The following REXO1 variants were observed in gnomAD, a reference collection of about 807,000 sequenced individuals.
REXO1 encodes RNA exonuclease 1 homolog.
REXO1 carries 42 observed loss-of-function variants against 102.6 expected under a neutral mutation model. That is an observed-to-expected ratio of 0.41 (90% CI 0.32 to 0.53). The LOEUF is 0.53. REXO1 is among the 20% of genes least tolerant of loss of function. The probability of loss-of-function intolerance (pLI) is 0.27; values close to 1 mark genes in which losing one functional copy is unlikely to be tolerated. For synonymous variants in REXO1, 908 were observed against 779.1 expected (o/e 1.17, Z -2.76); for missense variants, 1,819 against 1,732.5 (o/e 1.05, Z -0.89).
rs761875607 is a variant in REXO1 at position 1,819,093 on chromosome 19, ACAC to A, written c.2686_2688del (p.Val896del). On this transcript the variant is annotated inframe_deletion, in exon 8 of 16. Transcript: ENST00000170168. Reference sequence around the variant, plus strand: ...GTCTTGGCGGCCAACCTGCCCCCCAACACCACCTCGTGGGACACAACCCTGCGG... The same window carrying A: ...GTCTTGGCGGCCAACCTGCCCCCCAACACCTCGTGGGACACAACCCTGCGG... The A allele has an allele frequency of 1.3e-6, 2 of 1,597,918 alleles. No individual in the cohort carries two copies. Among genetic ancestry groups the A allele is most frequent in the South Asian group, 1.1e-5 (1 of 89,436 alleles).
chr19:1,823,325 C>T, intron 4 of REXO1: 1 of 392,032 alleles, frequency 2.6e-6, no homozygotes, highest in South Asian at 1.4e-4. Context: ...CAGTCCCCAG[C>T]AGGCTGTTGG....
At chr19:1,829,362 C>G (rs1055499458) in intron 1 of REXO1, among the ~76,000 whole-genome samples, 2 of 152,098 alleles carry the variant, frequency 1.3e-5, no homozygotes, top group Admixed American at 1.3e-4. Flanking sequence ...CCTCAGCCCC[C>G]CAAGTAGCTG....
In REXO1 at chr19:1,827,953, A is replaced by T. The variant is rs2069788952; in HGVS notation, c.836T>A (p.Phe279Tyr). ...TGAGAACCTTGCATCGCAACTGCCA[A>T]AGGGGTCACAGAGCTTCTTGGGAGC... ...TPAPKKLCDPFGSCDARFSDS... is the reference protein window; with the variant it reads ...TPAPKKLCDPYGSCDARFSDS... Residue 279 changes from phenylalanine (F) to tyrosine (Y), a missense_variant, in exon 2 of 16, where the codon TTT (phenylalanine) becomes TAT (tyrosine). Transcript: ENST00000170168. 1 of 1,613,540 alleles carries T rather than the reference A, an allele frequency of 6.2e-7. No individual in the cohort carries two copies. Among genetic ancestry groups the T allele is most frequent in the South Asian group, 1.1e-5 (1 of 91,088 alleles).
At position 1,848,273 on chromosome 19, in the gene REXO1, CAGT is replaced by C. The variant is rs2011652810; in HGVS notation, c.83_85del (p.Tyr28del). 1 of 1,231,900 alleles carries C rather than the reference CAGT, an allele frequency of 8.1e-7. No homozygotes were observed. Among genetic ancestry groups the C allele is most frequent in the African/African-American group, 1.6e-5 (1 of 63,648 alleles). 76.3% of individuals were successfully genotyped at this position (1,231,900 alleles called of 1,614,324 possible). A position where few individuals can be genotyped will look rare whatever the true frequency, so the allele number is the denominator to read the frequency against. ...CCGGGCCCCGCGGTGCCGGAAGTGG[CAGT>C]AGGGCCGCCGGCAGGGCCCCCCGGG... On this transcript the variant is annotated inframe_deletion, in exon 1 of 16. Transcript: ENST00000170168.
intron 6 of REXO1, 51 bp from the exon 7 acceptor site, chr19:1,820,108 A>T (rs144699492): frequency 6.3e-7 from 1 of 1,578,976 alleles, no homozygotes; most frequent in Non-Finnish European, 8.6e-7. Context: ...GGTGCCGGGG[A>T]GCCCCAGCGG....
intron 1 of REXO1, among the ~76,000 whole-genome samples, chr19:1,842,644 C>T (rs2145333266): frequency 6.6e-6 from 1 of 152,344 alleles, no homozygotes; most frequent in South Asian, 2.1e-4. Flanking sequence ...GAAAAGCCCC[C>T]CCAAAAAAAC....
At chr19:1,840,954 A>C (rs1210882203) in intron 1 of REXO1, among the ~76,000 whole-genome samples, 1 of 152,198 alleles carries the variant, frequency 6.6e-6, no homozygotes, top group Non-Finnish European at 1.5e-5. Flanking sequence ...GGCCGGAAGC[A>C]GGGGCAGGTC....
chr19:1,827,439 C>T lies in REXO1; in HGVS notation c.1350G>A (p.Arg450=). ...TCGGCCGCCGCGCTGGCCGGTCAGG[C>T]CTCCCTTTCCCTGAGGTGGCCACAG... The part of the protein sequence containing the change: ...ATPVATSGKG[R]PDRPARRPSP... Residue 450 remains arginine, a synonymous_variant, in exon 2 of 16, where the codon AGG becomes AGA. Transcript: ENST00000170168. The T allele has an allele frequency of 6.4e-7, 1 of 1,555,800 alleles. No individual in the cohort carries two copies. The highest frequency in any genetic ancestry group is 1.2e-5 in the South Asian group (1 of 85,494).
chr19:1,825,772 G>A lies in REXO1; in HGVS notation c.2016+67C>T. 4 of 1,181,204 alleles carry A rather than the reference G, an allele frequency of 3.4e-6. No homozygotes were observed. In the South Asian group the frequency reaches 3.9e-5, roughly 12 times the overall value. 73.2% of individuals were successfully genotyped at this position (1,181,204 alleles called of 1,614,324 possible). A position where few individuals can be genotyped will look rare whatever the true frequency, so the allele number is the denominator to read the frequency against. The stretch of plus-strand genomic sequence containing the variant: ...ATTACAGGCGTGAGCCACCAAACCA[G>A]GCCAACCTCGTCTTTAAAAAAAAAA... On this transcript the variant is annotated intron_variant, in intron 3 of 15. Transcript: ENST00000170168.
At position 1,826,961 on chromosome 19, in the gene REXO1, A is replaced by G. The variant is rs1008111046; in HGVS notation, c.1828T>C (p.Ser610Pro). The G allele has an allele frequency of 1.9e-6, 3 of 1,572,872 alleles. No individual in the cohort carries two copies. The highest frequency in any genetic ancestry group is 1.8e-5 in the Admixed American group (1 of 54,586). ...SALEKEVDFD[S>P]DPMEECLRIF... The stretch of plus-strand genomic sequence containing the variant: ...CGCAGGCACTCCTCCATGGGGTCGG[A>G]GTCAAAGTCCACCTCCTTCTCCAGG... The change falls in exon 2 of 16, where the codon TCC becomes CCC. Residue 610 changes from serine (S) to proline (P), a missense_variant. Physicochemically the swap from Ser to Pro is moderately conservative, Grantham distance 74. Transcript: ENST00000170168. This position sits in a 1 kb window ranked among gnomAD's most constrained non-coding sequence, Gnocchi z 4.3.
chr19:1,817,608 G>C, intron 11 of REXO1, 99 bp downstream of exon 11: 6 of 1,458,160 alleles, frequency 4.1e-6, no homozygotes, highest in Non-Finnish European at 5.6e-6. Flanking sequence ...CCCAGACCCT[G>C]AGCCCAGGAC....
At chr19:1,846,003 GC>G (rs1237471315) in intron 1 of REXO1, among the ~76,000 whole-genome samples, 2 of 152,214 alleles carry the variant, frequency 1.3e-5, no homozygotes, top group Non-Finnish European at 2.9e-5. Flanking sequence ...TCACCATGCA[GC>G]GCGTGTCCAG....
Position 1,826,775 on chromosome 19 carries a change from C to T in REXO1, c.1911+103G>A, listed in dbSNP as rs551134364. ...CAGCACTGAGGAGCTGCCTCCACCC[C>T]GTGCCTCCGAGCCAACTGGAAACCA... On this transcript the variant is annotated intron_variant, in intron 2 of 15. Transcript: ENST00000170168. The surrounding 1 kb of genome is among the most constrained non-coding windows in gnomAD (Gnocchi z 4.3). 103 of 1,498,868 alleles carry T rather than the reference C, an allele frequency of 6.9e-5. 2 individuals carry two copies. The highest frequency in any genetic ancestry group is 3.9e-4 in the South Asian group (30 of 77,418). The allele number at this position is 1,498,868 out of a possible 1,614,324, so 92.8% of individuals were successfully genotyped here. A position where few individuals can be genotyped will look rare whatever the true frequency, so the allele number is the denominator to read the frequency against.
intron 1 of REXO1, 34 bp from the exon 2 acceptor site, chr19:1,828,665 C>G (rs375461378): frequency 3.8e-6 from 6 of 1,559,842 alleles, no homozygotes; most frequent in African/African-American, 1.4e-5. Flanking sequence ...TGTGACCAGC[C>G]TGCCGGAGAG....
At chr19:1,836,376 G>A (rs984232314) in intron 1 of REXO1, among the ~76,000 whole-genome samples, 2 of 152,186 alleles carry the variant, frequency 1.3e-5, no homozygotes. Flanking sequence ...GTGCCAGCGA[G>A]AGCCGGCAGC....
At position 1,826,622 on chromosome 19, in the gene REXO1, G is replaced by C. The variant is rs1428385041; in HGVS notation, c.1911+256C>G. 6.6e-6 allele frequency among the ~76,000 whole-genome samples: 1 copy of C among 152,090 alleles called. No homozygotes were observed. Among genetic ancestry groups the C allele is most frequent in the Non-Finnish European group, 1.5e-5 (1 of 67,996 alleles). On this transcript the variant is annotated intron_variant, in intron 2 of 15. Transcript: ENST00000170168. This position sits in a 1 kb window ranked among gnomAD's most constrained non-coding sequence, Gnocchi z 4.3. ...CTGCCAGTCAGTGGGAACAGACCGT[G>C]TGCACGTGGCCACAGAAGCCTGGCT...
intron 1 of REXO1, among the ~76,000 whole-genome samples, chr19:1,835,550 A>G (rs914544167): frequency 4.6e-5 from 7 of 152,016 alleles, no homozygotes; most frequent in Non-Finnish European, 1.0e-4. Flanking sequence ...ATGCATACAC[A>G]CATACATACA....
At chr19:1,817,526 G>C in intron 11 of REXO1, 181 bp downstream of exon 11, 1 of 1,466,028 alleles carries the variant, frequency 6.8e-7, no homozygotes, top group South Asian at 1.4e-5. Flanking sequence ...AGGATGGGAA[G>C]TGGCCAGGGA....
At position 1,819,065 on chromosome 19, in the gene REXO1, C is replaced by G; in HGVS notation, c.2717G>C (p.Ser906Thr). The change falls in exon 8 of 16, where the codon AGC becomes ACC. Residue 906 changes from serine to threonine, a missense_variant. Physicochemically the swap from Ser to Thr is moderately conservative, Grantham distance 58. Transcript: ENST00000170168. ...GCTGCTTGGACGGCTGAGCGAGAAG[C>G]TGGTCTTGGCGGCCAACCTGCCCCC... ...VLGGRLAAKT[S>T]FSLSRPSSPR... 6.2e-7 allele frequency: 1 copy of G among 1,601,130 alleles called. No homozygotes were observed. Among genetic ancestry groups the G allele is most frequent in the Non-Finnish European group, 8.5e-7 (1 of 1,172,726 alleles).
Sources: allele counts gnomAD v4.1 joint callset (sites outside exome capture counted in the v4.1 genomes callset), GRCh38; gene constraint gnomAD v4.1.1; non-coding constraint Gnocchi (gnomAD v3.1); transcripts MANE v1.5; gene names NCBI Gene and HGNC (gene_info 2026-07-23, HGNC 2026-07-21).